The following HSPA12A variants were observed in gnomAD, a reference collection of about 807,000 sequenced individuals.
HSPA12A encodes the protein heat shock protein family A (Hsp70) member 12A.
HSPA12A carries 28 observed loss-of-function variants against 69.2 expected under a neutral mutation model. The observed-to-expected ratio is 0.40, with a 90% CI of 0.30 to 0.55. The LOEUF is 0.55. HSPA12A is among the 20% of genes least tolerant of loss of function. HSPA12A has a pLI of 0.38. For synonymous variants in HSPA12A, 345 were observed against 370.5 expected (o/e 0.93, Z 0.79); for missense variants, 686 against 900.7 (o/e 0.76, Z 3.05).
chr10:116,730,701 C>A (rs1316464550), intron 1 of HSPA12A, among the ~76,000 whole-genome samples: 1 of 152,270 alleles, frequency 6.6e-6, no homozygotes, highest in African/African-American at 2.4e-5. Context: ...GCCATGCCCA[C>A]CCCCAACCTG....
At chr10:116,850,581 G>T (rs1325162324), upstream of HSPA12A, among the ~76,000 whole-genome samples, 1 of 151,970 alleles carries the variant, frequency 6.6e-6, no homozygotes, top group Admixed American at 6.6e-5. Context: ...GAGGCAATGT[G>T]AACACCAAGC....
At chr10:116,732,244 C>A (rs2441783) in intron 1 of HSPA12A, among the ~76,000 whole-genome samples, 138,623 of 150,626 alleles carry the variant, frequency 0.92, 64,302 homozygotes, top group Non-Finnish European at 0.98. Context: ...ACAGGAGAAT[C>A]GTTTGAACCC....
chr10:116,762,710 G>A (rs906316908), intron 2 of HSPA12A, among the ~76,000 whole-genome samples: 10 of 152,146 alleles, frequency 6.6e-5, no homozygotes, highest in Admixed American at 2.0e-4. Flanking sequence ...CAGTCTCCCC[G>A]CTAGCTGGGA....
chr10:116,843,878 T>C (rs1845840741), intron 1 of HSPA12A, among the ~76,000 whole-genome samples: 1 of 152,210 alleles, frequency 6.6e-6, no homozygotes, highest in Admixed American at 6.5e-5. Context: ...ATATGTCTCT[T>C]CGTGGTGCTT....
chr10:116,715,424 G>A (rs1554883669), intron 1 of HSPA12A, among the ~76,000 whole-genome samples: 3 of 152,120 alleles, frequency 2.0e-5, no homozygotes, highest in African/African-American at 7.2e-5. Flanking sequence ...TAATGCTAAG[G>A]GATTATTATT....
chr10:116,729,379 A>G (rs1851083376), intron 1 of HSPA12A, among the ~76,000 whole-genome samples: 1 of 152,158 alleles, frequency 6.6e-6, no homozygotes, highest in African/African-American at 2.4e-5. Flanking sequence ...AGGATCCTGA[A>G]TGACAAAATC....
intron 3 of HSPA12A, among the ~76,000 whole-genome samples, chr10:116,704,584 C>T (rs1343571627): frequency 6.6e-6 from 1 of 152,018 alleles, no homozygotes; most frequent in Admixed American, 6.6e-5. Flanking sequence ...ACGTTGTGCA[C>T]ATGTACCCTA....
intron 2 of HSPA12A, among the ~76,000 whole-genome samples, chr10:116,780,622 A>G (rs2133134608): frequency 6.6e-6 from 1 of 152,334 alleles, no homozygotes; most frequent in East Asian, 1.9e-4. Context: ...AATGCATAAA[A>G]TAAACCAGGT....
At chr10:116,799,560 G>A (rs1475396006) in intron 2 of HSPA12A, among the ~76,000 whole-genome samples, 1 of 152,086 alleles carries the variant, frequency 6.6e-6, no homozygotes, top group Non-Finnish European at 1.5e-5. Context: ...GTTCTTACAA[G>A]GCCTGGTGCC....
chr10:116,772,140 T>G (rs533539871), intron 2 of HSPA12A, among the ~76,000 whole-genome samples: 26 of 152,188 alleles, frequency 1.7e-4, no homozygotes, highest in South Asian at 1.0e-3. Context: ...CTTGGGACAC[T>G]AAATGACCTG....
intron 5 of HSPA12A, among the ~76,000 whole-genome samples, chr10:116,697,447 G>T (rs1407001846): frequency 6.9e-6 from 1 of 145,894 alleles, no homozygotes; most frequent in African/African-American, 2.5e-5. Flanking sequence ...GGTCTGGGGG[G>T]ATAGAGGAGG....
At chr10:116,692,304 T>C (rs1466521250) in intron 6 of HSPA12A, 47 bp downstream of exon 6, 3 of 1,474,744 alleles carry the variant, frequency 2.0e-6, no homozygotes, top group Non-Finnish European at 2.8e-6. Flanking sequence ...CCTGGACATC[T>C]TGAGTCCTTC....
Position 116,720,216 on chromosome 10 carries a change from C to T in HSPA12A, c.41-12931G>A, listed in dbSNP as rs561284602. Among the ~76,000 whole-genome samples, 6 of 152,334 alleles carry T rather than the reference C, an allele frequency of 3.9e-5. No individual in the cohort carries two copies. The East Asian group carries it at 5.8e-4, about 15-fold the overall frequency. On this transcript the variant is annotated intron_variant, in intron 1 of 11. Transcript: ENST00000369209. ...CCCCCTGCCTTCAGGAGCCCAGCCT[C>T]GTCTCTGGGAATGGACTCAGTCACC...
Position 116,736,164 on chromosome 10 carries a change from C to A in HSPA12A, c.40+6266G>T, listed in dbSNP as rs574673980. Among the ~76,000 whole-genome samples the A allele has an allele frequency of 5.8e-4, 88 of 152,230 alleles. 2 individuals carry two copies. Among genetic ancestry groups the A allele is most frequent in the African/African-American group, 2.1e-3 (86 of 41,522 alleles). ...AGCCAATAAACCTTTTTATTCAGAT[C>A]TCAATGAGTCATGGGCCCCTCAGAA... On this transcript the variant is annotated intron_variant, in intron 1 of 11. Transcript: ENST00000369209.
At chr10:116,817,428 T>C (rs1845326408) in intron 2 of HSPA12A, among the ~76,000 whole-genome samples, 1 of 149,422 alleles carries the variant, frequency 6.7e-6, no homozygotes, top group South Asian at 2.1e-4. Context: ...GTGACCTTAG[T>C]GGAGCTACTC....
intron 1 of HSPA12A, among the ~76,000 whole-genome samples, chr10:116,736,868 T>C (rs1851333256): frequency 6.6e-6 from 1 of 152,146 alleles, no homozygotes. Flanking sequence ...GCCATTAAAT[T>C]TGTGGTAAGT....
intron 2 of HSPA12A, among the ~76,000 whole-genome samples, chr10:116,765,896 T>G (rs1402771556): frequency 6.6e-6 from 1 of 152,242 alleles, no homozygotes; most frequent in Admixed American, 6.5e-5. Flanking sequence ...TATGCTGTTC[T>G]GCACCTTGGT....
chr10:116,750,458 A>C lies in HSPA12A; in HGVS notation c.92-43173T>G, dbSNP rs1851749517. The stretch of plus-strand genomic sequence containing the variant: ...ATGATTCCCTGGTTATGATTTTGAA[A>C]ACAAGGAATTTAATGCAGAAGTGCA... On this transcript the variant is annotated intron_variant, in intron 2 of 12. Coordinates refer to the HSPA12A transcript ENST00000635765. 5 of 560,452 alleles carry C rather than the reference A, an allele frequency of 8.9e-6. No homozygotes were observed. In the South Asian group the frequency reaches 9.9e-5, roughly 11 times the overall value. The allele number at this position is 560,452 out of a possible 1,614,324, so 34.7% of individuals were successfully genotyped here.
intron 3 of HSPA12A, among the ~76,000 whole-genome samples, chr10:116,704,197 C>A (rs1351658122): frequency 1.3e-5 from 2 of 152,184 alleles, no homozygotes; most frequent in Non-Finnish European, 2.9e-5. Flanking sequence ...ATAGCAAAGA[C>A]TTGGAACCAA....
Sources: allele counts gnomAD v4.1 joint callset (sites outside exome capture counted in the v4.1 genomes callset), GRCh38; gene constraint gnomAD v4.1.1; transcripts MANE v1.5; gene names NCBI Gene and HGNC (gene_info 2026-07-23, HGNC 2026-07-21).